CDH13: variants seen among roughly 807,000 people sequenced by gnomAD.
The protein encoded by CDH13 is cadherin-13.
CDH13 carries 24 observed loss-of-function variants against 63.8 expected under a neutral mutation model. The observed-to-expected ratio is 0.38, with a 90% CI of 0.27 to 0.53. The LOEUF (loss-of-function observed/expected upper bound fraction) is 0.53. Among genes scored for constraint, CDH13 ranks in the 20% least tolerant of loss-of-function variants. The probability of loss-of-function intolerance (pLI) is 0.85; values close to 1 mark genes in which losing one functional copy is unlikely to be tolerated. For missense variants in CDH13, 1,049 were observed against 903.1 expected (o/e 1.16, Z -2.07); for synonymous variants, 503 against 355.3 (o/e 1.42, Z -4.67).
At chr16:83,565,348 C>T (rs1473667146) in intron 7 of CDH13, among the ~76,000 whole-genome samples, 1 of 151,738 alleles carries the variant, frequency 6.6e-6, no homozygotes, top group Admixed American at 6.6e-5. Flanking sequence ...CCTGACCTCA[C>T]ATGCCCTTGG....
intron 8 of CDH13, among the ~76,000 whole-genome samples, chr16:83,603,759 C>T (rs1908070781): frequency 6.6e-6 from 1 of 152,124 alleles, no homozygotes; most frequent in African/African-American, 2.4e-5. Flanking sequence ...TCTCACACTG[C>T]TATAAAGAAC....
At chr16:83,209,226 T>A (rs2039266972) in intron 4 of CDH13, among the ~76,000 whole-genome samples, 1 of 152,208 alleles carries the variant, frequency 6.6e-6, no homozygotes, top group African/African-American at 2.4e-5. Flanking sequence ...TTCCCTAACA[T>A]CCTTCACCTG....
intron 3 of CDH13, among the ~76,000 whole-genome samples, chr16:83,035,975 G>A (rs1362647902): frequency 6.6e-6 from 1 of 152,022 alleles, no homozygotes. Context: ...CCTCACAACA[G>A]TATGCTAAGG....
chr16:82,817,057 A>C (rs2037753516), intron 1 of CDH13, among the ~76,000 whole-genome samples: 1 of 152,100 alleles, frequency 6.6e-6, no homozygotes, highest in South Asian at 2.1e-4. Flanking sequence ...GGTCTTTAGA[A>C]ATCAACCAAG....
At chr16:83,252,907 A>G (rs1247882325) in intron 5 of CDH13, among the ~76,000 whole-genome samples, 1 of 152,008 alleles carries the variant, frequency 6.6e-6, no homozygotes, top group Non-Finnish European at 1.5e-5. Context: ...TTCAAATCCT[A>G]CCTGTGTCCT....
chr16:83,457,661 G>A (rs4782795), intron 6 of CDH13, among the ~76,000 whole-genome samples: 78,546 of 151,770 alleles, frequency 0.52, 20,740 homozygotes, highest in East Asian at 0.81. Context: ...ATGAGTTCAG[G>A]GCTTGAGGCT....
At chr16:83,748,365 T>A in intron 11 of CDH13, 115 bp downstream of exon 11, 1 of 902,970 alleles carries the variant, frequency 1.1e-6, no homozygotes, top group Non-Finnish European at 1.7e-6. Flanking sequence ...TGTAAGTGTG[T>A]GGGAACAGCA....
At chr16:83,573,026 G>A (rs939933437) in intron 7 of CDH13, among the ~76,000 whole-genome samples, 4 of 152,204 alleles carry the variant, frequency 2.6e-5, no homozygotes, top group East Asian at 1.9e-4. Flanking sequence ...GTTGACATAC[G>A]CAATATTTTT....
At chr16:82,853,731 G>C (rs1473261148) in intron 1 of CDH13, among the ~76,000 whole-genome samples, 1 of 152,106 alleles carries the variant, frequency 6.6e-6, no homozygotes, top group African/African-American at 2.4e-5. Context: ...TGCTTTCAAA[G>C]GTGTCTTGGT....
intron 6 of CDH13, among the ~76,000 whole-genome samples, chr16:83,356,555 C>A (rs1388038031): frequency 4.6e-5 from 7 of 152,136 alleles, no homozygotes; most frequent in Non-Finnish European, 1.0e-4. Flanking sequence ...ACTCCCATCC[C>A]TTCTGAGAAC....
At chr16:83,064,051 A>C (rs1448345235) in intron 3 of CDH13, among the ~76,000 whole-genome samples, 1 of 152,192 alleles carries the variant, frequency 6.6e-6, no homozygotes, top group Non-Finnish European at 1.5e-5. Context: ...AGAGCTAAAA[A>C]TATACACTCT....
chr16:83,534,063 C>T (rs1598240327), intron 7 of CDH13, among the ~76,000 whole-genome samples: 1 of 152,294 alleles, frequency 6.6e-6, no homozygotes, highest in East Asian at 1.9e-4. Context: ...TAAGGCACCA[C>T]CTCTATCTAT....
rs190916778 is a variant in CDH13 at position 82,957,937 on chromosome 16, G to T, written c.158-74073G>T. Among the ~76,000 whole-genome samples, 496 of 152,250 alleles carry T rather than the reference G, an allele frequency of 3.3e-3. 2 individuals are homozygous for T. Among genetic ancestry groups the T allele is most frequent in the Middle Eastern group, 0.017 (5 of 294 alleles). Reference sequence around the variant, plus strand: ...TTGCCAGTGTTTATTTCTTCATAAGGCAAGACAAAAGGAGTCCTGTGGAAG... The same window carrying T: ...TTGCCAGTGTTTATTTCTTCATAAGTCAAGACAAAAGGAGTCCTGTGGAAG... On this transcript the variant is annotated intron_variant, in intron 2 of 13. Transcript: ENST00000567109.
At chr16:83,179,369 C>T (rs549626942) in intron 4 of CDH13, among the ~76,000 whole-genome samples, 84 of 151,212 alleles carry the variant, frequency 5.6e-4, no homozygotes, top group Middle Eastern at 3.4e-3. Flanking sequence ...GGAGGATGGG[C>T]GCGGTGGCTC....
chr16:83,350,288 C>G (rs556404332), intron 6 of CDH13, among the ~76,000 whole-genome samples: 1 of 152,262 alleles, frequency 6.6e-6, no homozygotes, highest in Admixed American at 6.5e-5. Context: ...CCACCCTGGA[C>G]GGGTGGGGCA....
intron 13 of CDH13, among the ~76,000 whole-genome samples, chr16:83,785,435 C>G (rs575366327): frequency 1.3e-5 from 2 of 152,324 alleles, no homozygotes; most frequent in South Asian, 2.1e-4. Context: ...CAAAGGCCCA[C>G]CCTCGTAGTA....
At chr16:82,824,631 A>G (rs2038158264) in intron 1 of CDH13, 1 of 152,242 alleles carries the variant, frequency 6.6e-6, no homozygotes. Flanking sequence ...ACAGGCGAAC[A>G]TGTTAAATGA....
At chr16:82,762,753 G>A (rs1229825977) in intron 1 of CDH13, among the ~76,000 whole-genome samples, 3 of 152,140 alleles carry the variant, frequency 2.0e-5, no homozygotes, top group African/African-American at 7.2e-5. Context: ...CTGCTGTGTT[G>A]GAGAAAGAGG....
chr16:83,473,594 T>A (rs930886494), intron 6 of CDH13, among the ~76,000 whole-genome samples: 2 of 152,180 alleles, frequency 1.3e-5, no homozygotes, highest in Admixed American at 6.5e-5. Context: ...GTCCTATATG[T>A]CCCTCGGGCT....
Sources: gnomAD v4.1 joint callset for allele counts (sites outside exome capture counted in the v4.1 genomes callset) on GRCh38, gnomAD v4.1.1 for gene constraint, MANE v1.5 for transcripts, NCBI Gene and HGNC (gene_info 2026-07-23, HGNC 2026-07-21) for gene names.